FCHSD2: variants seen among roughly 807,000 people sequenced by gnomAD.
FCHSD2 encodes the protein F-BAR and double SH3 domains protein 2.
A neutral mutation model predicts 108.1 loss-of-function variants in FCHSD2; 38 were observed. That is an observed-to-expected ratio of 0.35 (90% CI 0.27 to 0.46). The LOEUF is 0.46. Among genes scored for constraint, FCHSD2 ranks in the 20% least tolerant of loss-of-function variants. The pLI, the probability that FCHSD2 is intolerant of heterozygous loss-of-function variation, is 1.00. For synonymous variants in FCHSD2, 279 were observed against 314.7 expected (o/e 0.89, Z 1.20); for missense variants, 751 against 897.8 (o/e 0.84, Z 2.09).
At chr11:72,847,965 T>C (rs1195393799) in intron 14 of FCHSD2, among the ~76,000 whole-genome samples, 1 of 152,230 alleles carries the variant, frequency 6.6e-6, no homozygotes, top group African/African-American at 2.4e-5. Flanking sequence ...ATGTTGGGAT[T>C]ACAGGCGTGA....
chr11:73,104,598 T>TCG (rs1860297322), intron 2 of FCHSD2, among the ~76,000 whole-genome samples: 2 of 151,854 alleles, frequency 1.3e-5, no homozygotes, highest in South Asian at 4.2e-4. Flanking sequence ...AGACAGACTC[T>TCG]CGCTCTGTCA....
At chr11:72,913,846 ACCCTAG>A (rs1855817174) in intron 9 of FCHSD2, among the ~76,000 whole-genome samples, 1 of 151,348 alleles carries the variant, frequency 6.6e-6, no homozygotes. Context: ...AAAAAAAAAA[ACCCTAG>A]AAATACAGCT....
chr11:73,020,033 A>G (rs76904120), intron 3 of FCHSD2, among the ~76,000 whole-genome samples: 2,049 of 152,298 alleles, frequency 0.013, 49 homozygotes, highest in African/African-American at 0.045. Context: ...CATAATGCTG[A>G]TTTGATTTGC....
intron 8 of FCHSD2, among the ~76,000 whole-genome samples, chr11:72,930,813 G>A (rs1256639655): frequency 6.6e-6 from 1 of 152,160 alleles, no homozygotes. Flanking sequence ...GGTAGTAGGG[G>A]TTGAGGAGGA....
chr11:72,884,309 G>A (rs1160462920), intron 12 of FCHSD2, among the ~76,000 whole-genome samples: 1 of 151,968 alleles, frequency 6.6e-6, no homozygotes, highest in Non-Finnish European at 1.5e-5. Flanking sequence ...GAATCTAGAT[G>A]TTAGGAAATA....
At position 72,945,452 on chromosome 11, in the gene FCHSD2, T is replaced by G. The variant is rs139638060; in HGVS notation, c.706-23502A>C. Among the ~76,000 whole-genome samples, 1,273 of 152,194 alleles carry G rather than the reference T, an allele frequency of 8.4e-3. 20 individuals carry two copies. Among genetic ancestry groups the G allele is most frequent in the African/African-American group, 0.029 (1,207 of 41,506 alleles). ...ATCTAAAACCATAAAAACCCTAGAA[T>G]AAAAGCTAGGCAATACCATTCAGGA... On this transcript the variant is annotated intron_variant, in intron 8 of 19. Coordinates refer to ENST00000409418, the MANE Select transcript of FCHSD2 (RefSeq NM_014824.3).
intron 8 of FCHSD2, among the ~76,000 whole-genome samples, chr11:72,948,697 GCT>G (rs1565337237): frequency 1.4e-5 from 2 of 146,332 alleles, no homozygotes; most frequent in East Asian, 2.0e-4. Context: ...AGGCAGTCTC[GCT>G]CTGTCGCCCA....
chr11:73,018,011 T>C (rs1161845070), intron 3 of FCHSD2, among the ~76,000 whole-genome samples: 2 of 152,208 alleles, frequency 1.3e-5, no homozygotes, highest in African/African-American at 2.4e-5. Flanking sequence ...AATATTTGAA[T>C]GTCCAATATT....
chr11:73,118,087 TG>T (rs1591568295), intron 2 of FCHSD2, among the ~76,000 whole-genome samples: 1 of 152,046 alleles, frequency 6.6e-6, no homozygotes. Flanking sequence ...GAGGCCAAGG[TG>T]GGCAGATCAC....
intron 8 of FCHSD2, among the ~76,000 whole-genome samples, chr11:72,980,466 T>C (rs1182317928): frequency 1.3e-5 from 2 of 152,104 alleles, no homozygotes; most frequent in African/African-American, 4.8e-5. Flanking sequence ...GTTAGAGTAT[T>C]ATTTAAATAA....
intron 19 of FCHSD2, 109 bp from the exon 20 acceptor site, chr11:72,838,983 T>C (rs1860820081): frequency 1.1e-6 from 1 of 897,332 alleles, no homozygotes. Flanking sequence ...ACCCTAGGGG[T>C]CTCAGAAATG....
intron 4 of FCHSD2, among the ~76,000 whole-genome samples, chr11:73,009,186 C>T (rs1167237162): frequency 6.6e-6 from 1 of 151,974 alleles, no homozygotes; most frequent in Non-Finnish European, 1.5e-5. Context: ...AAAATAAAAA[C>T]AAAGGGACAA....
chr11:73,133,153 A>T (rs1861043479), intron 2 of FCHSD2, among the ~76,000 whole-genome samples: 1 of 152,222 alleles, frequency 6.6e-6, no homozygotes, highest in Non-Finnish European at 1.5e-5. Context: ...AGGACCCATC[A>T]TGTATTATTG....
At chr11:73,096,987 A>AT (rs60223064) in intron 2 of FCHSD2, among the ~76,000 whole-genome samples, 542 of 26,962 alleles carry the variant, frequency 0.02, 146 homozygotes, top group Non-Finnish European at 0.025. Context: ...TCATTGATGG[A>AT]TTTTTTTTTT....
intron 8 of FCHSD2, among the ~76,000 whole-genome samples, chr11:72,977,684 G>A (rs1236557921): frequency 3.3e-5 from 5 of 152,226 alleles, no homozygotes; most frequent in Non-Finnish European, 7.3e-5. Flanking sequence ...AACAGGTGCT[G>A]GAGAGGATGT....
In FCHSD2 at chr11:72,980,918, C is replaced by T. The variant is rs147740269; in HGVS notation, c.705+3170G>A. ...TATGATTAAACCAACAAATCAAATA[C>T]CCTGCTTTTAAGCTACCCATATAGG... is the stretch of plus-strand genomic sequence containing the variant. On this transcript the variant is annotated intron_variant, in intron 8 of 19. Coordinates refer to ENST00000409418, the MANE Select transcript of FCHSD2 (RefSeq NM_014824.3). Among the ~76,000 whole-genome samples the T allele has an allele frequency of 2.0e-5, 3 of 152,074 alleles. No homozygotes were observed. In the East Asian group the frequency reaches 5.8e-4, roughly 29 times the overall value.
intron 8 of FCHSD2, among the ~76,000 whole-genome samples, chr11:72,980,675 G>A (rs998423889): frequency 3.9e-4 from 56 of 144,066 alleles, no homozygotes; most frequent in African/African-American, 1.4e-3. Flanking sequence ...GTGTGTGTGT[G>A]TATATATATA....
chr11:72,965,290 G>T (rs1370211422), intron 8 of FCHSD2, among the ~76,000 whole-genome samples: 1 of 152,076 alleles, frequency 6.6e-6, no homozygotes, highest in East Asian at 1.9e-4. Flanking sequence ...TCTATACTTG[G>T]AAAGTTCTCC....
In FCHSD2 at chr11:73,142,036, G is replaced by A; in HGVS notation, c.-159C>T. 2 of 656,724 alleles carry A rather than the reference G, an allele frequency of 3.0e-6. No individual in the cohort carries two copies. The highest frequency in any genetic ancestry group is 5.1e-6 in the Non-Finnish European group (2 of 395,892). The allele number at this position is 656,724 out of a possible 1,614,324, so 40.7% of individuals were successfully genotyped here. A position where few individuals can be genotyped will look rare whatever the true frequency, so the allele number is the denominator to read the frequency against. On this transcript the variant is annotated 5_prime_UTR_variant, in exon 1 of 20. Transcript: ENST00000409418. ...CCCCGGAGGGAGCAGGCCAGCGGGC[G>A]GCAGGCGGACCCCAGCCAGAGAGCG... is the stretch of plus-strand genomic sequence containing the variant.
Sources: allele counts gnomAD v4.1 joint callset (sites outside exome capture counted in the v4.1 genomes callset), GRCh38; gene constraint gnomAD v4.1.1; transcripts MANE v1.5; gene names NCBI Gene and HGNC (gene_info 2026-07-23, HGNC 2026-07-21).